Variants in SH3RF3 observed in about 807,000 individuals in gnomAD.
The protein encoded by SH3RF3 is SH3 domain containing ring finger 3, also known as E3 ubiquitin-protein ligase SH3RF3.
In SH3RF3, 29 loss-of-function variants were observed where a neutral mutation model predicts 66.3. The ratio of observed to expected loss-of-function variants is 0.44; its 90% CI spans 0.33 to 0.60. SH3RF3 has a LOEUF of 0.60. SH3RF3 is among the 20% of genes least tolerant of loss of function. The pLI is 0.04. For missense variants in SH3RF3, 1,194 were observed against 1,190.9 expected (o/e 1.00, Z -0.04); for synonymous variants, 583 against 532.0 (o/e 1.10, Z -1.32).
At chr2:109,390,034 G>A (rs959855906) in intron 3 of SH3RF3, among the ~76,000 whole-genome samples, 4 of 152,128 alleles carry the variant, frequency 2.6e-5, no homozygotes, top group Non-Finnish European at 5.9e-5. Flanking sequence ...TGGTCCTCAG[G>A]TTAAAAATGG....
At chr2:109,361,622 C>A (rs146820827) in intron 2 of SH3RF3, among the ~76,000 whole-genome samples, 1 of 152,082 alleles carries the variant, frequency 6.6e-6, no homozygotes, top group South Asian at 2.1e-4. Flanking sequence ...TACAGGCATA[C>A]GCCACCATGC....
In SH3RF3 at chr2:109,398,827, G is replaced by T. The variant is rs1162498921; in HGVS notation, c.1183G>T (p.Ala395Ser). 6.2e-7 allele frequency: 1 copy of T among 1,613,904 alleles called. No individual in the cohort carries two copies. The highest frequency in any genetic ancestry group is 2.2e-5 in the East Asian group (1 of 44,876). Reference sequence around the variant, plus strand: ...TGTGACGCACAGATCCTCCCAGGCTGCCAGCCACAGGCATTCCATGGAAAT... The same window carrying T: ...TGTGACGCACAGATCCTCCCAGGCTTCCAGCCACAGGCATTCCATGGAAAT... ...LSVTHRSSQA[A>S]SHRHSMEISA... Residue 395 changes from alanine to serine, a missense_variant, in exon 4 of 10, where the codon GCC becomes TCC. Physicochemically the swap from Ala to Ser is moderately conservative, Grantham distance 99. Transcript: ENST00000309415.
chr2:109,340,339 C>T (rs1185924798), intron 1 of SH3RF3, among the ~76,000 whole-genome samples: 1 of 152,180 alleles, frequency 6.6e-6, no homozygotes, highest in African/African-American at 2.4e-5. Context: ...AGCAGGCACA[C>T]AGGAGGTGCT....
At chr2:109,327,194 A>T (rs1682179278) in intron 1 of SH3RF3, among the ~76,000 whole-genome samples, 1 of 152,186 alleles carries the variant, frequency 6.6e-6, no homozygotes, top group South Asian at 2.1e-4. Flanking sequence ...CACATTTAAG[A>T]TGTTAATTCA....
intron 1 of SH3RF3, among the ~76,000 whole-genome samples, chr2:109,323,557 C>A (rs1402815474): frequency 6.6e-6 from 1 of 152,206 alleles, no homozygotes; most frequent in African/African-American, 2.4e-5. Context: ...GGGCATAAGT[C>A]TGAGCCCCCA....
chr2:109,255,339 A>G (rs1187786896), intron 1 of SH3RF3, among the ~76,000 whole-genome samples: 1 of 152,224 alleles, frequency 6.6e-6, no homozygotes, highest in Non-Finnish European at 1.5e-5. Context: ...AAGCTACTCT[A>G]AGAATACAGA....
chr2:109,421,903 A>G (rs1272854903), intron 5 of SH3RF3, among the ~76,000 whole-genome samples: 3 of 152,210 alleles, frequency 2.0e-5, no homozygotes, highest in African/African-American at 7.2e-5. Context: ...GCAACATTAC[A>G]TACGTTACAG....
chr2:109,202,209 A>G (rs895899947), intron 1 of SH3RF3, among the ~76,000 whole-genome samples: 4 of 152,132 alleles, frequency 2.6e-5, no homozygotes, highest in East Asian at 3.9e-4. Context: ...TTGTTTCCCA[A>G]GCCACCTGTG....
chr2:109,399,030 C>T, intron 4 of SH3RF3, 87 bp downstream of exon 4: 1 of 1,382,216 alleles, frequency 7.2e-7, no homozygotes, highest in Non-Finnish European at 9.8e-7. Context: ...CGTTCCTCAA[C>T]TAGCATGGAG....
At chr2:109,216,661 C>A (rs1161076636) in intron 1 of SH3RF3, among the ~76,000 whole-genome samples, 8 of 152,260 alleles carry the variant, frequency 5.3e-5, no homozygotes, top group Admixed American at 4.6e-4. Flanking sequence ...TCACTGGAAC[C>A]TCCTGCCCTC....
chr2:109,399,848 G>T (rs1237173110), intron 4 of SH3RF3, among the ~76,000 whole-genome samples: 2 of 152,184 alleles, frequency 1.3e-5, no homozygotes, highest in Non-Finnish European at 2.9e-5. Flanking sequence ...ATTGTTGTCT[G>T]ACCTTCTGCA....
chr2:109,259,723 T>C (rs1680306037), intron 1 of SH3RF3, among the ~76,000 whole-genome samples: 1 of 152,228 alleles, frequency 6.6e-6, no homozygotes, highest in South Asian at 2.1e-4. Flanking sequence ...GATTTGGTTC[T>C]TTTCACTTCT....
rs114638404 is a variant in SH3RF3, at chr2:109,289,482, T to C, written c.574-58192T>C. Among the ~76,000 whole-genome samples, 357 of 152,340 alleles carry C rather than the reference T, an allele frequency of 2.3e-3. 1 individual carries two copies. The highest frequency in any genetic ancestry group is 8.2e-3 in the African/African-American group (340 of 41,586). ...TGGCAGGAAATGGTCTGGGTGGTGC[T>C]GCTCTTATACGCACTCTTGGTCAGA... is the stretch of plus-strand genomic sequence containing the variant. On this transcript the variant is annotated intron_variant, in intron 1 of 9. Coordinates refer to ENST00000309415, the MANE Select transcript of SH3RF3 (RefSeq NM_001099289.3).
chr2:109,325,311 ATTTCTTTC>A lies in SH3RF3; in HGVS notation c.574-22347_574-22340del, dbSNP rs1184978946. Among the ~76,000 whole-genome samples the A allele has an allele frequency of 6.2e-3, 738 of 119,228 alleles. 15 individuals are homozygous for A. The highest frequency in any genetic ancestry group is 0.022 in the African/African-American group (709 of 32,554). The allele number at this position is 119,228 out of a possible 152,430, so 78.2% of individuals were successfully genotyped here. On this transcript the variant is annotated intron_variant, in intron 1 of 9. Coordinates refer to ENST00000309415, the MANE Select transcript of SH3RF3 (RefSeq NM_001099289.3). Reference sequence around the variant, plus strand: ...ATTGGATTTCAGGGACTGCCATTTAATTTCTTTCTTTCTTTCTTTCTTTTTTTTTTTTT... The same window carrying A: ...ATTGGATTTCAGGGACTGCCATTTAATTTCTTTCTTTCTTTTTTTTTTTTT...
At chr2:109,166,539 A>T (rs539066921) in intron 1 of SH3RF3, among the ~76,000 whole-genome samples, 1 of 152,116 alleles carries the variant, frequency 6.6e-6, no homozygotes, top group African/African-American at 2.4e-5. Flanking sequence ...TCTCTGCTCA[A>T]TGTCAGCCAT....
chr2:109,404,692 C>T (rs1676409588), intron 4 of SH3RF3, among the ~76,000 whole-genome samples: 1 of 152,142 alleles, frequency 6.6e-6, no homozygotes, highest in Non-Finnish European at 1.5e-5. Context: ...CTCCCAGCAC[C>T]TTTGCGGAAG....
chr2:109,129,310 A>G lies in SH3RF3; in HGVS notation c.-231A>G. On this transcript the variant is annotated 5_prime_UTR_variant, in exon 1 of 10. Coordinates refer to ENST00000309415, the MANE Select transcript of SH3RF3 (RefSeq NM_001099289.3). ...CGCAGCCGCAGGCGCTGCGCTCAGGACTGGGCGGGCTCGGCTGGCCGGTCC... is the reference window on the plus strand; with the variant it reads ...CGCAGCCGCAGGCGCTGCGCTCAGGGCTGGGCGGGCTCGGCTGGCCGGTCC... 1 of 756,766 alleles carries G rather than the reference A, an allele frequency of 1.3e-6. No homozygotes were observed. 46.9% of individuals were successfully genotyped at this position (756,766 alleles called of 1,614,324 possible).
chr2:109,410,066 G>A (rs1346246986), intron 4 of SH3RF3, among the ~76,000 whole-genome samples: 1 of 152,166 alleles, frequency 6.6e-6, no homozygotes, highest in Non-Finnish European at 1.5e-5. Context: ...TCCCAGCAGG[G>A]AACTAATACG....
chr2:109,311,848 A>AT (rs1316072664), intron 1 of SH3RF3, among the ~76,000 whole-genome samples: 1 of 135,438 alleles, frequency 7.4e-6, no homozygotes, highest in African/African-American at 3.3e-5. Context: ...CTTTATTGTT[A>AT]TTTTTTTAAT....
Sources: allele counts gnomAD v4.1 joint callset (sites outside exome capture counted in the v4.1 genomes callset), GRCh38; gene constraint gnomAD v4.1.1; transcripts MANE v1.5; gene names NCBI Gene and HGNC (gene_info 2026-07-23, HGNC 2026-07-21).